SUCLG2: variants seen among roughly 807,000 people sequenced by gnomAD.
The protein encoded by SUCLG2 is succinate-CoA ligase GDP-forming subunit beta, also known as succinate--CoA ligase [GDP-forming] subunit beta, mitochondrial.
SUCLG2 carries 42 observed loss-of-function variants against 47.9 expected under a neutral mutation model. The ratio of observed to expected loss-of-function variants is 0.88; its 90% confidence interval spans 0.69 to 1.14. SUCLG2 has a LOEUF of 1.14. SUCLG2 is among the 50% of genes most tolerant of loss of function. The pLI is 0.00. For missense variants in SUCLG2, 571 were observed against 525.9 expected (o/e 1.09, Z -0.84); for synonymous variants, 195 against 197.3 (o/e 0.99, Z 0.10).
intron 9 of SUCLG2, among the ~76,000 whole-genome samples, chr3:67,428,277 C>T (rs908656818): frequency 4.6e-5 from 7 of 152,166 alleles, no homozygotes; most frequent in African/African-American, 9.7e-5. Flanking sequence ...CAACATTTGC[C>T]GTTCTGCAAT....
chr3:67,620,271 C>T (rs1223170427), intron 1 of SUCLG2, among the ~76,000 whole-genome samples: 2 of 152,026 alleles, frequency 1.3e-5, no homozygotes, highest in African/African-American at 2.4e-5. Flanking sequence ...GCAGCAAATG[C>T]TATGAGGGAA....
intron 1 of SUCLG2, among the ~76,000 whole-genome samples, chr3:67,612,726 C>G (rs1338326914): frequency 1.3e-5 from 2 of 152,150 alleles, no homozygotes; most frequent in Non-Finnish European, 2.9e-5. Flanking sequence ...TATCTACTAC[C>G]TAGAGTTAGC....
rs532596467 is a variant in SUCLG2 at position 67,452,008 on chromosome 3, T to C, written c.1062+43790A>G. On this transcript the variant is annotated intron_variant, in intron 9 of 10. Coordinates refer to ENST00000307227, the MANE Select transcript of SUCLG2 (RefSeq NM_003848.4). ...TTAGAAGCCAGGTTAACTGACTCCA[T>C]GTAATCTATTCATTGTCAACTCCCT... Among the ~76,000 whole-genome samples, 21 of 152,322 alleles carry C rather than the reference T, an allele frequency of 1.4e-4. No homozygotes were observed. In the South Asian group the frequency reaches 4.4e-3, roughly 32 times the overall value.
At chr3:67,406,518 G>A (rs1249762063) in intron 9 of SUCLG2, among the ~76,000 whole-genome samples, 2 of 152,138 alleles carry the variant, frequency 1.3e-5, no homozygotes, top group Non-Finnish European at 2.9e-5. Context: ...AGGGCAGTTG[G>A]GAAGAGGGCA....
downstream of SUCLG2, among the ~76,000 whole-genome samples, chr3:67,370,539 C>T (rs1329622551): frequency 6.6e-6 from 1 of 152,124 alleles, no homozygotes; most frequent in Admixed American, 6.5e-5. Context: ...GGAATCCCCC[C>T]TTACCTGCAG....
intron 9 of SUCLG2, among the ~76,000 whole-genome samples, chr3:67,429,269 A>AAGCCAGAAGATAGTGGGGGCCAAT (rs1328422202): frequency 1.3e-5 from 2 of 152,256 alleles, no homozygotes; most frequent in Admixed American, 1.3e-4. Context: ...GAAACTCTAC[A>AAGCCAGAAGATAGTGGGGGCCAAT]AGCCAGAAGA....
chr3:67,637,055 G>A (rs1701023140), intron 1 of SUCLG2, among the ~76,000 whole-genome samples: 1 of 152,082 alleles, frequency 6.6e-6, no homozygotes, highest in Non-Finnish European at 1.5e-5. Flanking sequence ...GGAAGAGAGA[G>A]GGGCAGCTCA....
At chr3:67,468,991 A>C (rs997461327) in intron 9 of SUCLG2, among the ~76,000 whole-genome samples, 2 of 152,248 alleles carry the variant, frequency 1.3e-5, no homozygotes, top group Non-Finnish European at 2.9e-5. Context: ...AATTACATTC[A>C]GCTAAGACCT....
intron 1 of SUCLG2, among the ~76,000 whole-genome samples, chr3:67,635,459 T>C (rs181141753): frequency 1.3e-5 from 2 of 152,352 alleles, no homozygotes; most frequent in East Asian, 1.9e-4. Context: ...GTGACACATA[T>C]TCAGACTCAA....
At chr3:67,400,638 C>T (rs1039465814) in intron 10 of SUCLG2, 93 bp downstream of exon 10, 16 of 1,536,616 alleles carry the variant, frequency 1.0e-5, no homozygotes, top group African/African-American at 1.4e-5. Context: ...GTGTTTCGTT[C>T]TGTTATCTCA....
At chr3:67,411,024 T>C (rs1286268912) in intron 9 of SUCLG2, among the ~76,000 whole-genome samples, 1 of 152,158 alleles carries the variant, frequency 6.6e-6, no homozygotes, top group Non-Finnish European at 1.5e-5. Flanking sequence ...TACTCCATCA[T>C]CATTTGTTGG....
intron 10 of SUCLG2, among the ~76,000 whole-genome samples, chr3:67,392,379 C>T (rs34179592): frequency 0.03 from 4,620 of 152,320 alleles, 121 homozygotes; most frequent in Non-Finnish European, 0.043. Context: ...AAATCTGCTC[C>T]ATTGTCTAAA....
At chr3:67,567,941 C>T (rs188981649) in intron 2 of SUCLG2, among the ~76,000 whole-genome samples, 47 of 152,258 alleles carry the variant, frequency 3.1e-4, no homozygotes, top group African/African-American at 1.1e-3. Flanking sequence ...ATGATGACAA[C>T]GCTGTTAGCC....
In SUCLG2 at chr3:67,400,759, G is replaced by C. The variant is rs368736836; in HGVS notation, c.1155C>G (p.Leu385=). 21 of 1,611,782 alleles carry C rather than the reference G, an allele frequency of 1.3e-5. No individual in the cohort carries two copies. In the African/African-American group the frequency reaches 2.5e-4, roughly 19 times the overall value. The change falls in exon 10 of 11, where the codon CTC becomes CTG. Residue 385 remains leucine (L), a synonymous_variant. Transcript: ENST00000307227. ...CAAGCCGGACCACCAGGGGCACCTT[G>C]AGTTCTAGCTCCCGGCAGGCTTTGG... is the stretch of plus-strand genomic sequence containing the variant. The part of the protein sequence containing the change: ...GITKACRELE[L]KVPLVVRLEG...
chr3:67,528,959 A>T lies in SUCLG2; in HGVS notation c.326+128T>A, dbSNP rs148206535. 4.5e-5 allele frequency: 29 copies of T among 650,414 alleles called. No individual in the cohort carries two copies. The African/African-American group carries it at 4.7e-4, about 10-fold the overall frequency. 40.3% of individuals were successfully genotyped at this position (650,414 alleles called of 1,614,324 possible). ...GCCAGAGCCCTCTACCTATGATTTCAGTTTCTTCTAGTTGCTTTGGCCCGC... is the reference window on the plus strand; with the variant it reads ...GCCAGAGCCCTCTACCTATGATTTCTGTTTCTTCTAGTTGCTTTGGCCCGC... On this transcript the variant is annotated intron_variant, in intron 3 of 10. Transcript: ENST00000307227.
intron 9 of SUCLG2, among the ~76,000 whole-genome samples, chr3:67,440,308 G>C (rs1182691812): frequency 6.6e-6 from 1 of 152,174 alleles, no homozygotes; most frequent in South Asian, 2.1e-4. Context: ...TACCATTCAT[G>C]ACATAGGCAC....
chr3:67,378,335 C>G (rs73834601), intron 10 of SUCLG2, among the ~76,000 whole-genome samples: 1,575 of 152,256 alleles, frequency 0.01, 27 homozygotes, highest in African/African-American at 0.036. Flanking sequence ...GTTACAAAAG[C>G]CTGTGGCTTC....
chr3:67,432,820 A>T (rs981170833), intron 9 of SUCLG2, among the ~76,000 whole-genome samples: 5 of 152,204 alleles, frequency 3.3e-5, no homozygotes, highest in Non-Finnish European at 7.3e-5. Flanking sequence ...AAGCTTTTGA[A>T]TTTGCTGAAG....
chr3:67,415,543 A>T (rs1259911159), intron 9 of SUCLG2, among the ~76,000 whole-genome samples: 1 of 152,228 alleles, frequency 6.6e-6, no homozygotes, highest in Non-Finnish European at 1.5e-5. Flanking sequence ...CACATTTGAT[A>T]ATCCTAAACC....
Sources: gnomAD v4.1 joint callset for allele counts (sites outside exome capture counted in the v4.1 genomes callset) on GRCh38, gnomAD v4.1.1 for gene constraint, MANE v1.5 for transcripts, NCBI Gene and HGNC (gene_info 2026-07-23, HGNC 2026-07-21) for gene names.